DRC10: variants seen among roughly 807,000 people sequenced by gnomAD.
The protein encoded by DRC10 is dynein regulatory complex subunit 10.
chr12:113,208,218 G>T, the DRC10 span: 1 of 1,548,932 alleles, frequency 6.5e-7, no homozygotes, highest in Non-Finnish European at 8.7e-7. Flanking sequence ...GGAGACTTCG[G>T]TAGACTACTT....
At chr12:113,216,302 A>G in the DRC10 span, among the ~76,000 whole-genome samples, 1 of 152,258 alleles carries the variant, frequency 6.6e-6, no homozygotes, top group Non-Finnish European at 1.5e-5. Flanking sequence ...TATCACTCCA[A>G]CTATATGACA....
the DRC10 span, chr12:113,208,185 T>C: frequency 6.3e-7 from 1 of 1,599,706 alleles, no homozygotes; most frequent in East Asian, 2.2e-5. Flanking sequence ...CAGCCCTCTG[T>C]GCCTCTGTAG....
At chr12:113,211,373 A>G in the DRC10 span, among the ~76,000 whole-genome samples, 2 of 152,252 alleles carry the variant, frequency 1.3e-5, no homozygotes, top group Admixed American at 1.3e-4. Flanking sequence ...AGAGAATGGC[A>G]GGGAATCAAA....
At chr12:113,205,689 A>G in the DRC10 span, among the ~76,000 whole-genome samples, 1 of 150,766 alleles carries the variant, frequency 6.6e-6, no homozygotes, top group African/African-American at 2.4e-5. Context: ...GGAGATCGAG[A>G]CCATCCTGGC....
At chr12:113,219,692 A>G in the DRC10 span, among the ~76,000 whole-genome samples, 1 of 151,896 alleles carries the variant, frequency 6.6e-6, no homozygotes, top group Admixed American at 6.6e-5. Flanking sequence ...TTTTTTTGAG[A>G]CAGGGTTTTT....
chr12:113,208,300 C>T, the DRC10 span: 1 of 1,443,098 alleles, frequency 6.9e-7, no homozygotes, highest in Non-Finnish European at 9.1e-7. Context: ...GCTGTGCTGA[C>T]ATCTGTGTGG....
the DRC10 span, among the ~76,000 whole-genome samples, chr12:113,209,210 G>T: frequency 6.6e-6 from 1 of 152,120 alleles, no homozygotes; most frequent in Admixed American, 6.5e-5. Context: ...CACCACGCCT[G>T]GCCATTTTTA....
At chr12:113,200,011 A>T in the DRC10 span, 1 of 223,696 alleles carries the variant, frequency 4.5e-6, no homozygotes, top group South Asian at 5.3e-5. Context: ...TCAGCCTCCC[A>T]AAGTGTTGGG....
chr12:113,205,615 C>T, the DRC10 span, among the ~76,000 whole-genome samples: 5 of 152,102 alleles, frequency 3.3e-5, no homozygotes, highest in Non-Finnish European at 5.9e-5. Context: ...TCAGGCCGGG[C>T]GCGGTGGCTC....
the DRC10 span, chr12:113,208,436 G>A: frequency 6.5e-6 from 7 of 1,074,486 alleles, no homozygotes; most frequent in Non-Finnish European, 8.4e-6. Context: ...GGCCACAAGG[G>A]CAGGAAGACC....
the DRC10 span, among the ~76,000 whole-genome samples, chr12:113,218,075 C>G: frequency 6.6e-6 from 1 of 152,042 alleles, no homozygotes; most frequent in Non-Finnish European, 1.5e-5. Context: ...CAGGATAGTT[C>G]CCCACAACAA....
chr12:113,200,686 G>A, the DRC10 span: 4 of 1,536,186 alleles, frequency 2.6e-6, no homozygotes, highest in South Asian at 3.6e-5. Flanking sequence ...GGCCTGTGAT[G>A]CCCGGAAATC....
chr12:113,221,065 G>A, the DRC10 span: 2 of 422,832 alleles, frequency 4.7e-6, no homozygotes, highest in Non-Finnish European at 9.7e-6. Flanking sequence ...TAGGTTACCC[G>A]CCAATCTCAG....
At chr12:113,209,095 C>A in the DRC10 span, among the ~76,000 whole-genome samples, 1 of 152,034 alleles carries the variant, frequency 6.6e-6, no homozygotes, top group East Asian at 1.9e-4. Flanking sequence ...CCACGCCTGG[C>A]TAATCTTTGT....
the DRC10 span, chr12:113,203,081 A>G: frequency 4.4e-6 from 2 of 451,736 alleles, no homozygotes; most frequent in South Asian, 3.1e-5. Flanking sequence ...GCTGGAGTAC[A>G]GTGGTGCGAT....
chr12:113,208,445 C>A, the DRC10 span: 4 of 970,626 alleles, frequency 4.1e-6, no homozygotes, highest in Non-Finnish European at 5.4e-6. Flanking sequence ...GGCAGGAAGA[C>A]CAAGTGTGGA....
the DRC10 span, among the ~76,000 whole-genome samples, chr12:113,212,563 G>A: frequency 2.0e-5 from 3 of 152,148 alleles, no homozygotes; most frequent in Non-Finnish European, 4.4e-5. Context: ...CAGAGAGTGC[G>A]GCTGGAAACG....
the DRC10 span, among the ~76,000 whole-genome samples, chr12:113,220,025 C>T: frequency 2.0e-5 from 3 of 152,152 alleles, no homozygotes; most frequent in African/African-American, 7.2e-5. Flanking sequence ...CCAGGCTAGT[C>T]GCAAACTCCT....
the DRC10 span, among the ~76,000 whole-genome samples, chr12:113,220,161 T>C: frequency 6.6e-6 from 1 of 151,854 alleles, no homozygotes; most frequent in African/African-American, 2.4e-5. Flanking sequence ...ACTCTCTGTC[T>C]TCAGTAGGTA....
Sources: gnomAD v4.1 joint callset for allele counts (sites outside exome capture counted in the v4.1 genomes callset) on GRCh38, gnomAD v4.1.1 for gene constraint, MANE v1.5 for transcripts, NCBI Gene and HGNC (gene_info 2026-07-23, HGNC 2026-07-21) for gene names.